GPATCH8: variants seen among roughly 807,000 people sequenced by gnomAD.
GPATCH8 encodes G patch domain-containing protein 8.
A neutral mutation model predicts 118.3 loss-of-function variants in GPATCH8; 18 were observed. The ratio of observed to expected loss-of-function variants is 0.15; its 90% CI spans 0.11 to 0.23. The LOEUF (loss-of-function observed/expected upper bound fraction) is 0.23, where lower values mean the gene tolerates loss of function less well. Ranked by LOEUF, GPATCH8 falls within the 10% of genes least tolerant of loss-of-function variation. The pLI, the probability that GPATCH8 is intolerant of heterozygous loss-of-function variation, is 1.00. For missense variants in GPATCH8, 1,631 were observed against 1,873.8 expected (o/e 0.87, Z 2.39); for synonymous variants, 659 against 684.7 (o/e 0.96, Z 0.59).
At chr17:44,473,979 G>C (rs571315026) in intron 2 of GPATCH8, among the ~76,000 whole-genome samples, 2 of 152,302 alleles carry the variant, frequency 1.3e-5, no homozygotes, top group Admixed American at 6.5e-5. Flanking sequence ...TTCTTAAGGG[G>C]AAGTGGGGGG....
rs770148209 is a variant in GPATCH8 at position 44,400,530 on chromosome 17, G to A, written c.1547C>T (p.Thr516Ile). Residue 516 changes from threonine (T) to isoleucine (I), a missense_variant, in exon 8 of 8, where the codon ACC becomes ATC. Coordinates refer to ENST00000591680, the MANE Select transcript of GPATCH8 (RefSeq NM_001002909.4). ...TTTCCCTGCTGGGGTGGCCAGAGAG[G>A]TTTCTTTAGAAGAGTTGGACTCACA... ...QMCESNSSKE[T>I]SLATPAGKES... 2 of 1,613,984 alleles carry A rather than the reference G, an allele frequency of 1.2e-6. No homozygotes were observed. The highest frequency in any genetic ancestry group is 2.2e-5 in the East Asian group (1 of 44,886).
At chr17:44,432,622 G>A (rs11079140) in intron 5 of GPATCH8, among the ~76,000 whole-genome samples, 91,797 of 151,916 alleles carry the variant, frequency 0.6, 27,953 homozygotes, top group Middle Eastern at 0.67. Flanking sequence ...TCAAAGTGCT[G>A]TGAGAGGTAA....
chr17:44,485,057 G>C (rs1000670324), intron 1 of GPATCH8, among the ~76,000 whole-genome samples: 1 of 151,616 alleles, frequency 6.6e-6, no homozygotes, highest in African/African-American at 2.4e-5. Flanking sequence ...TCAAGAGATC[G>C]CCCGCCTCAG....
At chr17:44,445,835 CAAAAGAA>C (rs2050859570) in intron 3 of GPATCH8, 1 of 151,888 alleles carries the variant, frequency 6.6e-6, no homozygotes, top group Non-Finnish European at 1.5e-5. Context: ...TAATGAATTC[CAAAAGAA>C]AAAATATACT....
intron 1 of GPATCH8, among the ~76,000 whole-genome samples, chr17:44,485,108 C>T (rs565017431): frequency 7.9e-5 from 12 of 152,078 alleles, no homozygotes; most frequent in Middle Eastern, 3.4e-3. Flanking sequence ...GCCCACCATG[C>T]CAAGCCTGTT....
intron 3 of GPATCH8, among the ~76,000 whole-genome samples, chr17:44,464,187 T>A (rs1352344413): frequency 1.3e-5 from 2 of 152,110 alleles, no homozygotes; most frequent in African/African-American, 4.8e-5. Context: ...CACTCACCCA[T>A]CACCTCCACC....
intron 1 of GPATCH8, among the ~76,000 whole-genome samples, chr17:44,493,719 CTCTTT>C: frequency 6.6e-6 from 1 of 152,200 alleles, no homozygotes; most frequent in East Asian, 1.9e-4. Flanking sequence ...AAAATTCCGT[CTCTTT>C]TATTTAAAAA....
chr17:44,399,128 T>C lies in GPATCH8; in HGVS notation c.2949A>G (p.Gln983=), dbSNP rs554654616. The stretch of plus-strand genomic sequence containing the variant: ...GGTCCCGGCTATAGCTCCGGCTCCG[T>C]TGCCAGCTGTGGGCTGTGGTGCTAC... ...RSRSTTAHSW[Q]RSRSYSRDRS... is the part of the protein sequence containing the mutation. The change falls in exon 8 of 8, where the codon CAA becomes CAG. Residue 983 remains glutamine, a synonymous_variant. Transcript: ENST00000591680. 8 of 1,610,602 alleles carry C rather than the reference T, an allele frequency of 5.0e-6. No individual in the cohort carries two copies. In the African/African-American group the frequency reaches 6.7e-5, roughly 13 times the overall value.
intron 1 of GPATCH8, among the ~76,000 whole-genome samples, chr17:44,480,819 C>T (rs1184472929): frequency 2.6e-5 from 4 of 151,794 alleles, no homozygotes; most frequent in Non-Finnish European, 5.9e-5. Context: ...TGCAGTAAGC[C>T]GAGATCACGC....
At position 44,399,756 on chromosome 17, in the gene GPATCH8, C is replaced by G; in HGVS notation, c.2321G>C (p.Gly774Ala). 6.2e-7 allele frequency: 1 copy of G among 1,613,912 alleles called. No homozygotes were observed. The highest frequency in any genetic ancestry group is 8.5e-7 in the Non-Finnish European group (1 of 1,179,946). The change falls in exon 8 of 8, where the codon GGT becomes GCT. Residue 774 changes from glycine to alanine, a missense_variant. Gly to Ala is a moderately conservative substitution (Grantham distance 60). Transcript: ENST00000591680. ...GSSGKKDEGG[G>A]GSSSQDHGGR... ...ACCATGGTCTTGGGAGCTGCTACCA[C>G]CCCCACCTTCATCCTTTTTGCCACT...
chr17:44,419,898 T>C (rs1448626476), intron 6 of GPATCH8, among the ~76,000 whole-genome samples: 2 of 152,216 alleles, frequency 1.3e-5, no homozygotes, highest in African/African-American at 4.8e-5. Flanking sequence ...CTTTTGTTTA[T>C]ATATTTATAA....
intron 5 of GPATCH8, among the ~76,000 whole-genome samples, chr17:44,431,879 T>C (rs538848917): frequency 2.8e-4 from 43 of 151,920 alleles, no homozygotes; most frequent in Non-Finnish European, 5.6e-4. Flanking sequence ...TGAGCTACGA[T>C]AGCACCACAG....
chr17:44,406,848 TAAAAC>T (rs933726572), intron 6 of GPATCH8, among the ~76,000 whole-genome samples: 4 of 152,018 alleles, frequency 2.6e-5, no homozygotes, highest in Non-Finnish European at 4.4e-5. Context: ...TTCCTTAAAA[TAAAAC>T]AAAACAAACT....
At position 44,482,473 on chromosome 17, in the gene GPATCH8, T is replaced by C. The variant is rs551043639; in HGVS notation, c.46-7570A>G. On this transcript the variant is annotated intron_variant, in intron 1 of 7. Coordinates refer to ENST00000591680, the MANE Select transcript of GPATCH8 (RefSeq NM_001002909.4). ...CCTGTAATCTCAGCTACTCAGAAGGTTGAGGCAGGAGAATCGCTTGAATGC... is the reference window on the plus strand; with the variant it reads ...CCTGTAATCTCAGCTACTCAGAAGGCTGAGGCAGGAGAATCGCTTGAATGC... Among the ~76,000 whole-genome samples, 269 of 147,040 alleles carry C rather than the reference T, an allele frequency of 1.8e-3. 2 individuals carry two copies. The Middle Eastern group carries it at 0.04, about 22-fold the overall frequency.
chr17:44,442,724 A>G (rs546211891), intron 3 of GPATCH8, among the ~76,000 whole-genome samples: 1 of 152,220 alleles, frequency 6.6e-6, no homozygotes, highest in Non-Finnish European at 1.5e-5. Context: ...CTCAGCCTCC[A>G]AAGTGCTGGG....
intron 1 of GPATCH8, among the ~76,000 whole-genome samples, chr17:44,497,320 T>C (rs948626450): frequency 2.6e-5 from 4 of 152,218 alleles, no homozygotes; most frequent in African/African-American, 9.6e-5. Context: ...CCAGGTACAG[T>C]GGCACATGCC....
At chr17:44,415,267 T>C (rs2049632781) in intron 6 of GPATCH8, among the ~76,000 whole-genome samples, 1 of 152,196 alleles carries the variant, frequency 6.6e-6, no homozygotes, top group African/African-American at 2.4e-5. Flanking sequence ...ATGGTATACA[T>C]AAATTTTGTG....
chr17:44,472,975 T>C (rs1178050999), intron 2 of GPATCH8, among the ~76,000 whole-genome samples: 1 of 151,912 alleles, frequency 6.6e-6, no homozygotes, highest in Non-Finnish European at 1.5e-5. Context: ...ATTACAGGCT[T>C]GAGCCACCGC....
Position 44,400,480 on chromosome 17 carries a change from G to A in GPATCH8, c.1597C>T (p.Pro533Ser), listed in dbSNP as rs2048975341. The A allele has an allele frequency of 6.2e-7, 1 of 1,614,106 alleles. No individual in the cohort carries two copies. Among genetic ancestry groups the A allele is most frequent in the South Asian group, 1.1e-5 (1 of 91,092 alleles). Residue 533 changes from proline (P) to serine (S), a missense_variant, in exon 8 of 8, where the codon CCT becomes TCT. Pro to Ser is a moderately conservative substitution (Grantham distance 74). This residue lies in a region of GPATCH8 where 405 missense variants were observed against 462.7 expected (regional missense o/e 0.88). Transcript: ENST00000591680. The part of the protein sequence containing the change: ...GKESQEGPKH[P>S]TGPFFPVLSK... Reference sequence around the variant, plus strand: ...AAAACTGGGAAGAAGGGACCAGTAGGATGTTTGGGTCCTTCTTGGCTTTCT... The same window carrying A: ...AAAACTGGGAAGAAGGGACCAGTAGAATGTTTGGGTCCTTCTTGGCTTTCT...
Sources: allele counts gnomAD v4.1 joint callset (sites outside exome capture counted in the v4.1 genomes callset), GRCh38; gene constraint gnomAD v4.1.1; regional missense constraint gnomAD v4.1.1; transcripts MANE v1.5; gene names NCBI Gene and HGNC (gene_info 2026-07-23, HGNC 2026-07-21).